The following TENM4 variants were observed in gnomAD, a reference collection of about 807,000 sequenced individuals.
TENM4 encodes the protein teneurin transmembrane protein 4.
TENM4 carries 82 observed loss-of-function variants against 243.3 expected under a neutral mutation model. The ratio of observed to expected loss-of-function variants is 0.34; its 90% confidence interval spans 0.28 to 0.40. The LOEUF (loss-of-function observed/expected upper bound fraction) is 0.40, where lower values mean the gene tolerates loss of function less well. TENM4 is among the 10% of genes least tolerant of loss of function. TENM4 has a pLI of 1.00. For synonymous variants in TENM4, 1,412 were observed against 1,456.3 expected, an observed-to-expected ratio of 0.97 and a Z score of 0.69; for missense variants, 3,138 against 3,673.3, an observed-to-expected ratio of 0.85 and a Z score of 3.77.
At position 79,351,308 on chromosome 11, in the gene TENM4, C is replaced by T. The variant is rs745755198; in HGVS notation, c.-320-53765G>A. On this transcript the variant is annotated intron_variant, in intron 1 of 33. Coordinates refer to ENST00000278550, the MANE Select transcript of TENM4 (RefSeq NM_001098816.3). ...CTGATTGTGTTGCTGTCTGCCTTCC[C>T]TTACTAGAATGCAAGCTCCACAAGG... 2.3e-4 allele frequency among the ~76,000 whole-genome samples: 35 copies of T among 152,238 alleles called. 1 individual carries two copies. Among genetic ancestry groups the T allele is most frequent in the Non-Finnish European group, 4.9e-4 (33 of 68,006 alleles).
chr11:79,347,807 C>G (rs1857351313), intron 1 of TENM4, among the ~76,000 whole-genome samples: 1 of 113,598 alleles, frequency 8.8e-6, no homozygotes, highest in Admixed American at 1.3e-4. Flanking sequence ...GAGTCTCGCT[C>G]TGTCGCCCAG....
At chr11:78,775,976 T>C (rs909439663) in intron 17 of TENM4, among the ~76,000 whole-genome samples, 2 of 152,214 alleles carry the variant, frequency 1.3e-5, no homozygotes, top group African/African-American at 4.8e-5. Flanking sequence ...TTAAGTGGCA[T>C]GGATTCTATG....
At chr11:79,129,636 G>T (rs1262122065) in intron 4 of TENM4, among the ~76,000 whole-genome samples, 1 of 152,084 alleles carries the variant, frequency 6.6e-6, no homozygotes, top group Admixed American at 6.5e-5. Flanking sequence ...CTGACAACTT[G>T]CATGGCTCAG....
At chr11:78,839,721 C>T (rs1363991998) in intron 12 of TENM4, among the ~76,000 whole-genome samples, 1 of 152,092 alleles carries the variant, frequency 6.6e-6, no homozygotes, top group Non-Finnish European at 1.5e-5. Context: ...AACATTTAAC[C>T]AGGAACCATA....
chr11:79,399,850 G>T (rs1858419765), intron 1 of TENM4, among the ~76,000 whole-genome samples: 2 of 152,006 alleles, frequency 1.3e-5, no homozygotes, highest in African/African-American at 4.8e-5. Context: ...TTCCTTGTCG[G>T]TGTTGTTGTG....
intron 1 of TENM4, among the ~76,000 whole-genome samples, chr11:79,357,465 C>T (rs187314508): frequency 3.0e-4 from 46 of 152,288 alleles, no homozygotes; most frequent in African/African-American, 1.0e-3. Flanking sequence ...TCTGAATTCA[C>T]CTGGGGGTGT....
At chr11:79,396,761 C>T (rs906478508) in intron 1 of TENM4, among the ~76,000 whole-genome samples, 2 of 152,212 alleles carry the variant, frequency 1.3e-5, no homozygotes, top group African/African-American at 4.8e-5. Context: ...TCTCCCAAGA[C>T]CTCTCTCCTC....
chr11:79,405,745 T>C lies in TENM4; in HGVS notation c.-321+34764A>G, dbSNP rs750882110. Reference sequence around the variant, plus strand: ...CCAGGGATTTCATAACTAACTCTTATCTTAATGTGGAGCAGGTAGGTGTGT... The same window carrying C: ...CCAGGGATTTCATAACTAACTCTTACCTTAATGTGGAGCAGGTAGGTGTGT... On this transcript the variant is annotated intron_variant, in intron 1 of 33. Transcript: ENST00000278550. Among the ~76,000 whole-genome samples the C allele has an allele frequency of 3.8e-4, 58 of 151,246 alleles. 1 individual carries two copies. Among genetic ancestry groups the C allele is most frequent in the East Asian group, 1.9e-4 (1 of 5,142 alleles).
chr11:79,125,901 G>A lies in TENM4; in HGVS notation c.-66+22809C>T, dbSNP rs910237454. Among the ~76,000 whole-genome samples, 19 of 152,102 alleles carry A rather than the reference G, an allele frequency of 1.2e-4. 1 individual carries two copies. Among genetic ancestry groups the A allele is most frequent in the East Asian group, 3.9e-4 (2 of 5,176 alleles). On this transcript the variant is annotated intron_variant, in intron 4 of 33. Transcript: ENST00000278550. ...GAGAGTGTGACCCATGAGGAAGTGC[G>A]CTACACTCAAAAAGAACTGCTTGAG...
At chr11:79,260,033 G>A (rs1197689230) in intron 2 of TENM4, among the ~76,000 whole-genome samples, 1 of 152,212 alleles carries the variant, frequency 6.6e-6, no homozygotes, top group African/African-American at 2.4e-5. Flanking sequence ...GGGTGGTGGA[G>A]AGAAGTGGCT....
At chr11:79,187,813 A>G (rs1188198559) in intron 3 of TENM4, among the ~76,000 whole-genome samples, 1 of 152,206 alleles carries the variant, frequency 6.6e-6, no homozygotes, top group Non-Finnish European at 1.5e-5. Flanking sequence ...ACATGGTGGG[A>G]AGACAGCCAT....
At chr11:79,368,563 C>A (rs1261521463) in intron 1 of TENM4, among the ~76,000 whole-genome samples, 1 of 152,224 alleles carries the variant, frequency 6.6e-6, no homozygotes, top group African/African-American at 2.4e-5. Flanking sequence ...CAACTTCCAT[C>A]CTAGTGGTTA....
At chr11:79,023,561 C>CAAAAAA (rs3985612) in intron 6 of TENM4, among the ~76,000 whole-genome samples, 27 of 113,428 alleles carry the variant, frequency 2.4e-4, no homozygotes, top group African/African-American at 7.8e-4. Context: ...GGCTCTGTCT[C>CAAAAAA]AAAAAAAAAA....
At chr11:78,910,091 G>A (rs1289460523) in intron 6 of TENM4, among the ~76,000 whole-genome samples, 1 of 152,154 alleles carries the variant, frequency 6.6e-6, no homozygotes, top group Non-Finnish European at 1.5e-5. Context: ...AACTTCCAGA[G>A]CTTTGGCTCA....
In TENM4 at chr11:78,669,646, C is replaced by T. The variant is rs773529137; in HGVS notation, c.6699G>A (p.Arg2233=). Residue 2233 remains arginine (R), a synonymous_variant, in exon 32 of 34, where the codon CGG becomes CGA. Coordinates refer to ENST00000278550, the MANE Select transcript of TENM4 (RefSeq NM_001098816.3). The surrounding 1 kb of genome is among the most constrained non-coding windows in gnomAD (Gnocchi z 6.4). The part of the protein sequence containing the change: ...LHLLSPGNSA[R]LTPLRYDIRD... ...GGATGTCATACCGTAGTGGTGTGAGCCGTGCACTGTTCCCAGGGCTCAGTA... is the reference window on the plus strand; with the variant it reads ...GGATGTCATACCGTAGTGGTGTGAGTCGTGCACTGTTCCCAGGGCTCAGTA... The T allele has an allele frequency of 2.5e-6, 4 of 1,613,870 alleles. No homozygotes were observed. The African/African-American group carries it at 5.3e-5, about 22-fold the overall frequency.
intron 6 of TENM4, among the ~76,000 whole-genome samples, chr11:78,978,492 A>G (rs1451181203): frequency 1.3e-5 from 2 of 152,230 alleles, no homozygotes; most frequent in African/African-American, 4.8e-5. Flanking sequence ...TGAGCTCCAG[A>G]CAGACTAAAG....
intron 19 of TENM4, among the ~76,000 whole-genome samples, chr11:78,751,471 G>C (rs1479615986): frequency 6.6e-6 from 1 of 152,078 alleles, no homozygotes; most frequent in Non-Finnish European, 1.5e-5. Flanking sequence ...GCCATCACAT[G>C]ATTTCTCAAA....
At chr11:78,791,298 G>A (rs907047441) in intron 15 of TENM4, among the ~76,000 whole-genome samples, 1 of 152,124 alleles carries the variant, frequency 6.6e-6, no homozygotes, top group African/African-American at 2.4e-5. Flanking sequence ...TTCCTTCTCA[G>A]ATTCTGCTTT....
chr11:78,956,951 G>C (rs913439323), intron 6 of TENM4, among the ~76,000 whole-genome samples: 1 of 152,060 alleles, frequency 6.6e-6, no homozygotes. Flanking sequence ...CTGATTCCAA[G>C]GGTTTCATTT....
Sources: allele counts gnomAD v4.1 joint callset (sites outside exome capture counted in the v4.1 genomes callset), GRCh38; gene constraint gnomAD v4.1.1; non-coding constraint Gnocchi (gnomAD v3.1); transcripts MANE v1.5; gene names NCBI Gene and HGNC (gene_info 2026-07-23, HGNC 2026-07-21).